Variants in GUCY1A2 observed in about 807,000 individuals in gnomAD.
GUCY1A2 encodes guanylate cyclase soluble subunit alpha-2.
A neutral mutation model predicts 63.5 loss-of-function variants in GUCY1A2; 27 were observed. The ratio of observed to expected loss-of-function variants is 0.43; its 90% CI spans 0.31 to 0.59. GUCY1A2 has a LOEUF of 0.59. Ranked by LOEUF, GUCY1A2 falls within the 20% of genes least tolerant of loss-of-function variation. The pLI, the probability that GUCY1A2 is intolerant of heterozygous loss-of-function variation, is 0.11. For missense variants in GUCY1A2, 768 were observed against 913.3 expected (o/e 0.84, Z 2.05); for synonymous variants, 364 against 343.5 (o/e 1.06, Z -0.66).
chr11:106,924,193 G>T (rs1860488396), intron 4 of GUCY1A2, among the ~76,000 whole-genome samples: 2 of 152,104 alleles, frequency 1.3e-5, no homozygotes, highest in Non-Finnish European at 2.9e-5. Context: ...CTACACTTGT[G>T]TCCATAGGAC....
At chr11:106,814,677 A>G (rs1212111013) in intron 4 of GUCY1A2, among the ~76,000 whole-genome samples, 1 of 152,142 alleles carries the variant, frequency 6.6e-6, no homozygotes. Context: ...AGTGGGAGCC[A>G]TGAGGCATGA....
Position 106,956,274 on chromosome 11 carries a change from T to C in GUCY1A2, c.488-16096A>G, listed in dbSNP as rs149641458. On this transcript the variant is annotated intron_variant, in intron 3 of 7. Transcript: ENST00000526355. ...TTTTTATTATCCATCTTCTGAAGCC[T>C]ACTTCTGTCAATCCGTCCATCTGAT... Among the ~76,000 whole-genome samples, 210 of 152,150 alleles carry C rather than the reference T, an allele frequency of 1.4e-3. 1 individual carries two copies. The highest frequency in any genetic ancestry group is 4.7e-3 in the African/African-American group (195 of 41,534).
intron 6 of GUCY1A2, among the ~76,000 whole-genome samples, chr11:106,748,991 A>G (rs1440896999): frequency 2.0e-5 from 3 of 152,114 alleles, no homozygotes; most frequent in African/African-American, 7.2e-5. Flanking sequence ...ATTTTGGATA[A>G]TGATGGGCTC....
In GUCY1A2 at chr11:106,939,963, G is replaced by C. The variant is rs760357937; in HGVS notation, c.703C>G (p.Leu235Val). 2 of 1,613,852 alleles carry C rather than the reference G, an allele frequency of 1.2e-6. No individual in the cohort carries two copies. Among genetic ancestry groups the C allele is most frequent in the African/African-American group, 1.3e-5 (1 of 74,916 alleles). ...FLCKELPEGT[L>V]MLHYFHPHHI... The stretch of plus-strand genomic sequence containing the variant: ...TGAGGGTGGAAGTAGTGGAGCATGA[G>C]AGTACCTTCAGGGAGCTCTTTGCAT... The change falls in exon 4 of 8, where the codon CTC (leucine) becomes GTC (valine). Residue 235 changes from leucine to valine, a missense_variant. Transcript: ENST00000526355.
chr11:106,798,063 CAAT>C (rs1864799444), intron 5 of GUCY1A2, among the ~76,000 whole-genome samples: 1 of 151,408 alleles, frequency 6.6e-6, no homozygotes, highest in Non-Finnish European at 1.5e-5. Flanking sequence ...CAAATAGACG[CAAT>C]AATGATAAAG....
At chr11:106,911,904 T>C (rs1287006617) in intron 4 of GUCY1A2, among the ~76,000 whole-genome samples, 1 of 152,040 alleles carries the variant, frequency 6.6e-6, no homozygotes, top group Non-Finnish European at 1.5e-5. Context: ...ACTCTAATAT[T>C]TCTGGTATTC....
At chr11:106,847,987 G>A (rs1484575319) in intron 4 of GUCY1A2, among the ~76,000 whole-genome samples, 1 of 151,510 alleles carries the variant, frequency 6.6e-6, no homozygotes, top group Non-Finnish European at 1.5e-5. Flanking sequence ...AAAACACCAT[G>A]ACCAAATAAG....
chr11:106,845,275 G>A (rs1162293013), intron 4 of GUCY1A2, among the ~76,000 whole-genome samples: 9 of 149,732 alleles, frequency 6.0e-5, no homozygotes, highest in Non-Finnish European at 1.0e-4. Flanking sequence ...AAATCCCTGC[G>A]GCCGATTAAA....
At chr11:106,787,850 G>C (rs917454144) in intron 5 of GUCY1A2, among the ~76,000 whole-genome samples, 1 of 151,982 alleles carries the variant, frequency 6.6e-6, no homozygotes, top group African/African-American at 2.4e-5. Flanking sequence ...AAACATGGGA[G>C]TGCAGGTATC....
chr11:106,786,238 AC>A (rs1347691436), intron 5 of GUCY1A2, among the ~76,000 whole-genome samples: 2 of 152,182 alleles, frequency 1.3e-5, no homozygotes, highest in Non-Finnish European at 2.9e-5. Context: ...CAAAAACAAA[AC>A]AAAAACAAAA....
intron 4 of GUCY1A2, among the ~76,000 whole-genome samples, chr11:106,817,289 T>C (rs1008800023): frequency 2.0e-5 from 3 of 152,118 alleles, no homozygotes; most frequent in African/African-American, 7.2e-5. Flanking sequence ...AGATTTACCA[T>C]TATGCAAAGT....
intron 3 of GUCY1A2, among the ~76,000 whole-genome samples, chr11:106,953,155 G>T (rs574268355): frequency 1.3e-5 from 2 of 152,226 alleles, no homozygotes; most frequent in African/African-American, 2.4e-5. Flanking sequence ...ATATGATATT[G>T]GCTGTGGGTT....
chr11:106,855,592 C>A (rs551326452), intron 4 of GUCY1A2, among the ~76,000 whole-genome samples: 21 of 152,214 alleles, frequency 1.4e-4, no homozygotes, highest in African/African-American at 3.9e-4. Flanking sequence ...GGTAGCTGCC[C>A]AAACTTATTT....
chr11:106,938,540 C>T (rs1007650369), intron 4 of GUCY1A2, among the ~76,000 whole-genome samples: 3 of 152,016 alleles, frequency 2.0e-5, no homozygotes, highest in African/African-American at 4.8e-5. Context: ...ACTTTATTTA[C>T]CCTAGTACAA....
chr11:106,826,445 A>G lies in GUCY1A2; in HGVS notation c.1207-15967T>C. The G allele has an allele frequency of 1.3e-6, 2 of 1,576,648 alleles. 1 individual carries two copies. ...TTTGGATCTAGCAGATCTTCTCCAT[A>G]TGATGAAAGATTCATTTGGTTTAAG... is the stretch of plus-strand genomic sequence containing the variant. On this transcript the variant is annotated intron_variant, in intron 4 of 7. Transcript: ENST00000526355.
intron 6 of GUCY1A2, among the ~76,000 whole-genome samples, chr11:106,723,579 C>G (rs1328027399): frequency 6.6e-6 from 1 of 152,220 alleles, no homozygotes; most frequent in Non-Finnish European, 1.5e-5. Flanking sequence ...AATCCCATCA[C>G]TTTGGGAGGC....
chr11:106,744,931 T>A (rs1181518356), intron 6 of GUCY1A2, among the ~76,000 whole-genome samples: 3 of 152,228 alleles, frequency 2.0e-5, no homozygotes, highest in Non-Finnish European at 4.4e-5. Flanking sequence ...CTGAAAAGGC[T>A]GCCTCATCAA....
intron 4 of GUCY1A2, among the ~76,000 whole-genome samples, chr11:106,830,383 TGATTG>T (rs1432171340): frequency 6.6e-6 from 1 of 152,174 alleles, no homozygotes; most frequent in South Asian, 2.1e-4. Flanking sequence ...AATGTCAACT[TGATTG>T]GATTGAAGGA....
Position 107,018,085 on chromosome 11 carries a change from G to GGTGGCGGCGAGGACGCGA in GUCY1A2, c.-48_-31dup. 1 of 1,400,988 alleles carries GGTGGCGGCGAGGACGCGA rather than the reference G, an allele frequency of 7.1e-7. No homozygotes were observed. 86.8% of individuals were successfully genotyped at this position (1,400,988 alleles called of 1,614,324 possible). A position where few individuals can be genotyped will look rare whatever the true frequency, so the allele number is the denominator to read the frequency against. On this transcript the variant is annotated 5_prime_UTR_variant, in exon 1 of 8. Coordinates refer to ENST00000526355, the MANE Select transcript of GUCY1A2 (RefSeq NM_000855.3). ...CCGGCGGAGCTGCAGCGGCCGAGGCGGTGGCGGCGAGGACGCGAGCGGCGG... is the reference window on the plus strand; with the variant it reads ...CCGGCGGAGCTGCAGCGGCCGAGGCGGTGGCGGCGAGGACGCGAGTGGCGGCGAGGACGCGAGCGGCGG...
Sources: allele counts gnomAD v4.1 joint callset (sites outside exome capture counted in the v4.1 genomes callset), GRCh38; gene constraint gnomAD v4.1.1; transcripts MANE v1.5; gene names NCBI Gene and HGNC (gene_info 2026-07-23, HGNC 2026-07-21).